ADCY10: variants seen among roughly 807,000 people sequenced by gnomAD.
ADCY10 encodes the protein adenylate cyclase type 10.
A neutral mutation model predicts 183.3 loss-of-function variants in ADCY10; 156 were observed. The ratio of observed to expected loss-of-function variants is 0.85; its 90% CI spans 0.75 to 0.97. The LOEUF (loss-of-function observed/expected upper bound fraction) is 0.97. ADCY10 is among the 50% of genes least tolerant of loss of function. The pLI, the probability that ADCY10 is intolerant of heterozygous loss-of-function variation, is 0.00. For synonymous variants in ADCY10, 645 were observed against 670.0 expected, an observed-to-expected ratio of 0.96 and a Z score of 0.58; for missense variants, 1,745 against 1,934.3, an observed-to-expected ratio of 0.90 and a Z score of 1.84.
At chr1:167,824,938 G>A in intron 26 of ADCY10, 83 bp from the exon 27 acceptor site, 2 of 1,333,988 alleles carry the variant, frequency 1.5e-6, no homozygotes, top group Non-Finnish European at 1.1e-6. Context: ...GCCAGTAAAT[G>A]TTTGTTTATT....
chr1:167,858,720 T>A (rs1209668013), intron 16 of ADCY10, among the ~76,000 whole-genome samples: 2 of 152,176 alleles, frequency 1.3e-5, no homozygotes, highest in Non-Finnish European at 2.9e-5. Flanking sequence ...ATGAGCACCA[T>A]TTCTCTAGGT....
At chr1:167,896,772 G>A in intron 6 of ADCY10, 81 bp from the exon 7 acceptor site, 2 of 1,005,166 alleles carry the variant, frequency 2.0e-6, no homozygotes, top group Admixed American at 3.4e-5. Flanking sequence ...AGCAGAAAGA[G>A]AGTATGCTTT....
chr1:167,907,432 T>C (rs901851741), intron 1 of ADCY10, among the ~76,000 whole-genome samples: 1 of 152,212 alleles, frequency 6.6e-6, no homozygotes, highest in African/African-American at 2.4e-5. Flanking sequence ...TGCCTTCACT[T>C]TGGGACCCAA....
At chr1:167,859,676 A>C in intron 16 of ADCY10, 131 bp downstream of exon 16, 1 of 776,250 alleles carries the variant, frequency 1.3e-6, no homozygotes, top group Non-Finnish European at 2.3e-6. Context: ...AGAATGAAGC[A>C]CTTTAGGACA....
Position 167,901,734 on chromosome 1 carries a change from A to G in ADCY10, c.364T>C (p.Cys122Arg). 3.7e-6 allele frequency: 6 copies of G among 1,614,180 alleles called. No homozygotes were observed. Among genetic ancestry groups the G allele is most frequent in the Non-Finnish European group, 5.1e-6 (6 of 1,180,018 alleles). The change falls in exon 5 of 33, where the codon TGT becomes CGT. Residue 122 changes from cysteine to arginine, a missense_variant. Cys to Arg is a radical substitution (Grantham distance 180, BLOSUM62 -3). Transcript: ENST00000367851. ...LKNIITVVIKCSLEIHGLFET... is the reference protein window; with the variant it reads ...LKNIITVVIKRSLEIHGLFET... The stretch of plus-strand genomic sequence containing the variant: ...AACAATCCATGGATCTCCAGGCTAC[A>G]TTTAATTACCACTGTGATAATGTTT...
At chr1:167,880,401 T>A in intron 10 of ADCY10, 90 bp downstream of exon 10, 1 of 1,075,532 alleles carries the variant, frequency 9.3e-7, no homozygotes, top group African/African-American at 1.6e-5. Flanking sequence ...CTTAATTAAT[T>A]CTTCTTTCTT....
At chr1:167,912,798 G>A (rs1670236511) in intron 1 of ADCY10, among the ~76,000 whole-genome samples, 1 of 152,188 alleles carries the variant, frequency 6.6e-6, no homozygotes, top group Admixed American at 6.5e-5. Context: ...CATCGGAGCC[G>A]TATCAATTCT....
chr1:167,882,473 A>G (rs1667932673), intron 9 of ADCY10, among the ~76,000 whole-genome samples: 1 of 139,338 alleles, frequency 7.2e-6, no homozygotes, highest in Non-Finnish European at 1.5e-5. Flanking sequence ...CAATAGAGCA[A>G]GATTCCGTCT....
At chr1:167,874,929 G>T (rs954041721) in intron 13 of ADCY10, among the ~76,000 whole-genome samples, 1 of 152,116 alleles carries the variant, frequency 6.6e-6, no homozygotes, top group South Asian at 2.1e-4. Flanking sequence ...ATAAGTAATC[G>T]AGGGTGTTAG....
chr1:167,863,534 G>A (rs922675161), intron 14 of ADCY10, among the ~76,000 whole-genome samples: 1 of 152,238 alleles, frequency 6.6e-6, no homozygotes, highest in Non-Finnish European at 1.5e-5. Context: ...TCACTATCTC[G>A]GTGTCTGAGG....
chr1:167,873,768 T>C (rs751268086), intron 13 of ADCY10, among the ~76,000 whole-genome samples: 1 of 152,074 alleles, frequency 6.6e-6, no homozygotes, highest in Non-Finnish European at 1.5e-5. Context: ...TAGAAAAATA[T>C]CTCCATGATT....
At chr1:167,818,331 A>C (rs1662658629) in intron 30 of ADCY10, 64 bp from the exon 31 acceptor site, 1 of 1,438,784 alleles carries the variant, frequency 7.0e-7, no homozygotes, top group African/African-American at 1.4e-5. Context: ...TGGCTTTCTG[A>C]AATGTCTCTC....
At chr1:167,881,852 C>T (rs564798253) in intron 9 of ADCY10, among the ~76,000 whole-genome samples, 1 of 152,270 alleles carries the variant, frequency 6.6e-6, no homozygotes, top group South Asian at 2.1e-4. Flanking sequence ...CTTATGATAC[C>T]CATGGGTCAG....
chr1:167,857,720 G>T (rs1038825723), intron 16 of ADCY10, among the ~76,000 whole-genome samples: 1 of 152,168 alleles, frequency 6.6e-6, no homozygotes, highest in East Asian at 1.9e-4. Context: ...TCCATATAAA[G>T]TGGTACTATT....
Position 167,824,479 on chromosome 1 carries a change from C to T in ADCY10, c.4049G>A (p.Ser1350Asn), listed in dbSNP as rs1420501321. The T allele has an allele frequency of 2.5e-6, 4 of 1,613,714 alleles. No homozygotes were observed. Among genetic ancestry groups the T allele is most frequent in the Admixed American group, 1.7e-5 (1 of 60,008 alleles). The change falls in exon 28 of 33, where the codon AGC (serine) becomes AAC (asparagine). Residue 1350 changes from serine (S) to asparagine (N), a missense_variant. Ser to Asn is a conservative substitution (Grantham distance 46). Transcript: ENST00000367851. ...GAAAATGCTTTAAGATAAATACCTGCTGTTCAGAAGGAGACATCTGCTAAG... is the reference window on the plus strand; with the variant it reads ...GAAAATGCTTTAAGATAAATACCTGTTGTTCAGAAGGAGACATCTGCTAAG... ...CRLSRCLLLN[S>N]RYPQLIQVLG... is the part of the protein sequence containing the mutation.
At chr1:167,849,057 TC>T (rs10716616) in intron 18 of ADCY10, among the ~76,000 whole-genome samples, 40,342 of 152,028 alleles carry the variant, frequency 0.27, 5,476 homozygotes, top group East Asian at 0.41. Context: ...ATTGATGTCT[TC>T]CATAGGATAT....
chr1:167,845,881 C>A (rs747617063), intron 20 of ADCY10, 28 bp from the exon 21 acceptor site: 3 of 1,613,946 alleles, frequency 1.9e-6, no homozygotes, highest in African/African-American at 1.3e-5. Flanking sequence ...GGTTTTTCAG[C>A]CAGGCAGTGG....
At chr1:167,810,630 T>C (rs2101820137) in intron 32 of ADCY10, 95 bp downstream of exon 32, 1 of 1,173,248 alleles carries the variant, frequency 8.5e-7, no homozygotes, top group Non-Finnish European at 1.3e-6. Flanking sequence ...ATTTTGTTAA[T>C]GGCAGCCTGG....
chr1:167,833,744 C>CAAA (rs539820019), intron 24 of ADCY10, among the ~76,000 whole-genome samples: 1 of 98,432 alleles, frequency 1.0e-5, no homozygotes, highest in Admixed American at 1.0e-4. Flanking sequence ...GACTCCCTCT[C>CAAA]AAAAAAAAAA....
Sources: gnomAD v4.1 joint callset for allele counts (sites outside exome capture counted in the v4.1 genomes callset) on GRCh38, gnomAD v4.1.1 for gene constraint, MANE v1.5 for transcripts, NCBI Gene and HGNC (gene_info 2026-07-23, HGNC 2026-07-21) for gene names.